CACNA2D1: variants seen among roughly 807,000 people sequenced by gnomAD.
CACNA2D1 encodes the protein calcium voltage-gated channel auxiliary subunit alpha2delta 1.
CACNA2D1 carries 53 observed loss-of-function variants against 171.5 expected under a neutral mutation model. The observed-to-expected ratio is 0.31, with a 90% CI of 0.25 to 0.39. The LOEUF (loss-of-function observed/expected upper bound fraction) is 0.39, where lower values mean the gene tolerates loss of function less well. Among genes scored for constraint, CACNA2D1 ranks in the 10% least tolerant of loss-of-function variants. CACNA2D1 has a pLI of 1.00. For missense variants in CACNA2D1, 903 were observed against 1,299.8 expected, an observed-to-expected ratio of 0.69 and a Z score of 4.69; for synonymous variants, 442 against 443.1, an observed-to-expected ratio of 1.00 and a Z score of 0.03.
At chr7:82,034,163 T>G (rs1222523145) in intron 11 of CACNA2D1, among the ~76,000 whole-genome samples, 1 of 152,098 alleles carries the variant, frequency 6.6e-6, no homozygotes, top group African/African-American at 2.4e-5. Flanking sequence ...ACACAACATA[T>G]CATTTCAGAT....
intron 1 of CACNA2D1, among the ~76,000 whole-genome samples, chr7:82,442,866 A>C (rs1830609886): frequency 6.6e-6 from 1 of 152,200 alleles, no homozygotes; most frequent in African/African-American, 2.4e-5. Context: ...GTAACGTGGG[A>C]TAAAACGAGT....
chr7:82,239,285 A>C, intron 3 of CACNA2D1, among the ~76,000 whole-genome samples: 1 of 152,136 alleles, frequency 6.6e-6, no homozygotes, highest in South Asian at 2.1e-4. Flanking sequence ...TGGAACCAAT[A>C]CGATAAATTT....
chr7:82,229,193 G>A (rs28717058), intron 3 of CACNA2D1, among the ~76,000 whole-genome samples: 15,301 of 152,052 alleles, frequency 0.1, 1,376 homozygotes, highest in African/African-American at 0.24. Flanking sequence ...GCTTCTTACA[G>A]TGTAACTCCT....
At chr7:82,045,548 T>C (rs1804458444) in intron 10 of CACNA2D1, among the ~76,000 whole-genome samples, 1 of 152,188 alleles carries the variant, frequency 6.6e-6, no homozygotes, top group African/African-American at 2.4e-5. Context: ...AATTAGGCAA[T>C]TTGTTTTTAC....
chr7:82,275,853 T>C (rs1356009946), intron 3 of CACNA2D1, among the ~76,000 whole-genome samples: 1 of 152,308 alleles, frequency 6.6e-6, no homozygotes, highest in African/African-American at 2.4e-5. Context: ...TGAAACATAA[T>C]AGTCTCTTAA....
At chr7:82,291,433 A>T (rs978376197) in intron 3 of CACNA2D1, among the ~76,000 whole-genome samples, 22 of 136,548 alleles carry the variant, frequency 1.6e-4, no homozygotes, top group Middle Eastern at 3.8e-3. Flanking sequence ...TATAATATAT[A>T]AAATATATAT....
intron 24 of CACNA2D1, among the ~76,000 whole-genome samples, chr7:81,981,487 C>T (rs568441809): frequency 4.3e-4 from 65 of 152,168 alleles, no homozygotes; most frequent in Non-Finnish European, 7.5e-4. Flanking sequence ...AAAGTAGAAA[C>T]AATTCAGAAA....
At chr7:82,192,136 C>G (rs1798360062) in intron 3 of CACNA2D1, among the ~76,000 whole-genome samples, 1 of 150,292 alleles carries the variant, frequency 6.7e-6, no homozygotes. Flanking sequence ...CAAGAACTTT[C>G]AAATTTAATG....
At chr7:82,075,256 G>A (rs1808823786) in intron 7 of CACNA2D1, among the ~76,000 whole-genome samples, 1 of 151,904 alleles carries the variant, frequency 6.6e-6, no homozygotes, top group Non-Finnish European at 1.5e-5. Context: ...GTGGATTACT[G>A]GTAATACTGA....
In CACNA2D1 at chr7:82,113,090, A is replaced by G. The variant is rs1016661384; in HGVS notation, c.526+3954T>C. 1.6e-4 allele frequency among the ~76,000 whole-genome samples: 24 copies of G among 152,248 alleles called. No individual in the cohort carries two copies. The South Asian group carries it at 1.7e-3, about 11-fold the overall frequency. ...CGTAAATAATAATTGCCTTACTTAAATTATAGGGTAAGTATAAGGACAAAA... is the reference window on the plus strand; with the variant it reads ...CGTAAATAATAATTGCCTTACTTAAGTTATAGGGTAAGTATAAGGACAAAA... On this transcript the variant is annotated intron_variant, in intron 6 of 38. Coordinates refer to ENST00000356860, the MANE Select transcript of CACNA2D1 (RefSeq NM_000722.4).
intron 6 of CACNA2D1, among the ~76,000 whole-genome samples, chr7:82,088,223 T>C (rs988100233): frequency 1.3e-5 from 2 of 152,178 alleles, no homozygotes; most frequent in African/African-American, 4.8e-5. Context: ...TGCTGGTGCC[T>C]TTCTCTATTC....
chr7:82,061,582 C>T (rs916180485), intron 9 of CACNA2D1, among the ~76,000 whole-genome samples: 1 of 152,176 alleles, frequency 6.6e-6, no homozygotes, highest in Non-Finnish European at 1.5e-5. Flanking sequence ...CTCCCTGTAA[C>T]CACCCAACAG....
intron 6 of CACNA2D1, among the ~76,000 whole-genome samples, chr7:82,111,020 C>G (rs558133644): frequency 6.6e-6 from 1 of 152,008 alleles, no homozygotes; most frequent in Admixed American, 6.6e-5. Context: ...TGGAAAAGTA[C>G]ATGACATACT....
Position 81,967,647 on chromosome 7 carries a change from A to G in CACNA2D1, c.2412T>C (p.Ile804=). ...AATTCTCTATCCAGGAATTTACATC[A>G]ATTTTAATTCCAACAACTGAAAAAT... ...LLKPAVVGIK[I]DVNSWIENFT... The change falls in exon 30 of 39, where the codon ATT becomes ATC. Residue 804 remains isoleucine, a synonymous_variant. Coordinates refer to ENST00000356860, the MANE Select transcript of CACNA2D1 (RefSeq NM_000722.4). The G allele has an allele frequency of 6.8e-7, 1 of 1,478,180 alleles. No homozygotes were observed. Among genetic ancestry groups the G allele is most frequent in the Non-Finnish European group, 9.4e-7 (1 of 1,062,936 alleles). 91.6% of individuals were successfully genotyped at this position (1,478,180 alleles called of 1,614,324 possible).
chr7:82,039,179 A>T (rs1803657238), intron 10 of CACNA2D1, among the ~76,000 whole-genome samples: 1 of 152,196 alleles, frequency 6.6e-6, no homozygotes, highest in Admixed American at 6.5e-5. Flanking sequence ...AATGTTAAAG[A>T]TATTTTCACA....
At position 82,335,178 on chromosome 7, in the gene CACNA2D1, C is replaced by T. The variant is rs1817832156; in HGVS notation, c.251G>A (p.Arg84Lys). 3 of 1,613,154 alleles carry T rather than the reference C, an allele frequency of 1.9e-6. No homozygotes were observed. Among genetic ancestry groups the T allele is most frequent in the Non-Finnish European group, 2.5e-6 (3 of 1,179,352 alleles). Residue 84 changes from arginine to lysine, a missense_variant, in exon 3 of 39, where the codon AGG becomes AAG. Around this residue, in one of 5 missense-constraint regions of CACNA2D1, gnomAD observed 189 missense variants for 266.8 expected, o/e 0.71. Transcript: ENST00000356860. Reference protein sequence around the residue: ...NARQLVEIAARDIEKLLSNRS... With the variant: ...NARQLVEIAAKDIEKLLSNRS... ...GTTGCTCAGAAGTTTCTCAATATCC[C>T]TGGCTGCAATTTCTACCAGCTGGCG...
chr7:82,142,469 A>T (rs1463758309), intron 4 of CACNA2D1, among the ~76,000 whole-genome samples: 1 of 152,202 alleles, frequency 6.6e-6, no homozygotes, highest in African/African-American at 2.4e-5. Context: ...TGATGAATAG[A>T]TTATGCTAAA....
At chr7:82,122,712 C>T (rs901197452) in intron 5 of CACNA2D1, among the ~76,000 whole-genome samples, 1 of 152,102 alleles carries the variant, frequency 6.6e-6, no homozygotes, top group African/African-American at 2.4e-5. Flanking sequence ...GTAAAAGGCA[C>T]TATGTGATTT....
intron 6 of CACNA2D1, among the ~76,000 whole-genome samples, chr7:82,110,964 G>C (rs1584784054): frequency 6.6e-6 from 1 of 152,026 alleles, no homozygotes; most frequent in East Asian, 1.9e-4. Flanking sequence ...GGCTCCATGA[G>C]TACAGAGAAT....
Sources: gnomAD v4.1 joint callset for allele counts (sites outside exome capture counted in the v4.1 genomes callset) on GRCh38, gnomAD v4.1.1 for gene constraint, gnomAD v4.1.1 regional missense constraint, MANE v1.5 for transcripts, NCBI Gene and HGNC (gene_info 2026-07-23, HGNC 2026-07-21) for gene names.